The following EEF2K variants were observed in gnomAD, a reference collection of about 807,000 sequenced individuals.
EEF2K encodes the protein eukaryotic elongation factor 2 kinase.
In EEF2K, 70 loss-of-function variants were observed where a neutral mutation model predicts 93.8. That is an observed-to-expected ratio of 0.75 (90% CI 0.62 to 0.91). The LOEUF (loss-of-function observed/expected upper bound fraction) is 0.91. Ranked by LOEUF, EEF2K falls within the 40% of genes least tolerant of loss-of-function variation. The pLI is 0.00. For missense variants in EEF2K, 935 were observed against 972.9 expected, an observed-to-expected ratio of 0.96 and a Z score of 0.52; for synonymous variants, 376 against 380.8, an observed-to-expected ratio of 0.99 and a Z score of 0.15.
At chr16:22,215,897 C>T (rs1259190675) in intron 1 of EEF2K, among the ~76,000 whole-genome samples, 1 of 152,162 alleles carries the variant, frequency 6.6e-6, no homozygotes, top group Non-Finnish European at 1.5e-5. Flanking sequence ...TGCACTCCAG[C>T]CTGGGTAACA....
At chr16:22,261,382 G>GA (rs961327726) in intron 11 of EEF2K, among the ~76,000 whole-genome samples, 1 of 148,830 alleles carries the variant, frequency 6.7e-6, no homozygotes, top group Non-Finnish European at 1.5e-5. Flanking sequence ...CAAAAAAAAA[G>GA]AAAAAACAAA....
chr16:22,280,854 G>C (rs771530762), intron 17 of EEF2K, among the ~76,000 whole-genome samples: 1 of 151,926 alleles, frequency 6.6e-6, no homozygotes, highest in African/African-American at 2.4e-5. Flanking sequence ...GTAGAGACAG[G>C]GTTTTGCCAT....
chr16:22,223,774 G>A (rs1349859109), intron 1 of EEF2K, among the ~76,000 whole-genome samples: 1 of 152,122 alleles, frequency 6.6e-6, no homozygotes, highest in African/African-American at 2.4e-5. Context: ...GTGTTTGTGG[G>A]TATGGGACCG....
chr16:22,262,879 G>A (rs1367368820), intron 11 of EEF2K, among the ~76,000 whole-genome samples: 2 of 152,106 alleles, frequency 1.3e-5, no homozygotes, highest in African/African-American at 2.4e-5. Flanking sequence ...CTGCTCCCTC[G>A]TTGGCCAGGC....
At chr16:22,236,339 C>CTT (rs11353273) in intron 2 of EEF2K, among the ~76,000 whole-genome samples, 2 of 137,146 alleles carry the variant, frequency 1.5e-5, no homozygotes, top group Admixed American at 7.4e-5. Context: ...AGTTGTATTT[C>CTT]TTTTTTTTTT....
chr16:22,250,025 A>G (rs2047333454), intron 4 of EEF2K, among the ~76,000 whole-genome samples: 1 of 151,170 alleles, frequency 6.6e-6, no homozygotes, highest in Non-Finnish European at 1.5e-5. Flanking sequence ...CAGGTGATCC[A>G]CCCACCTCAG....
chr16:22,235,408 T>C lies in EEF2K; in HGVS notation c.247-9222T>C, dbSNP rs76748808. Among the ~76,000 whole-genome samples the C allele has an allele frequency of 7.8e-3, 1,189 of 152,258 alleles. 17 individuals are homozygous for C. Among genetic ancestry groups the C allele is most frequent in the African/African-American group, 0.026 (1,099 of 41,544 alleles). On this transcript the variant is annotated intron_variant, in intron 2 of 17. Transcript: ENST00000263026. ...GTCTTTTCAGATCAGTAAATATGGA[T>C]GTAGTGTCTTGATGGCTCTGTCAGC... is the stretch of plus-strand genomic sequence containing the variant.
chr16:22,241,183 C>T (rs905681002), intron 2 of EEF2K, among the ~76,000 whole-genome samples: 1 of 152,034 alleles, frequency 6.6e-6, no homozygotes, highest in African/African-American at 2.4e-5. Flanking sequence ...GGAGGACTTC[C>T]GCTTTCTAAT....
intron 12 of EEF2K, among the ~76,000 whole-genome samples, chr16:22,263,531 C>T (rs1404072941): frequency 6.6e-6 from 1 of 152,220 alleles, no homozygotes; most frequent in East Asian, 1.9e-4. Context: ...ATCACTTTAA[C>T]CCAGAAGACA....
Position 22,248,751 on chromosome 16 carries a change from G to T in EEF2K, c.348-4G>T. On this transcript the variant is annotated splice_region_variant and splice_polypyrimidine_tract_variant and intron_variant, in intron 3 of 17. Transcript: ENST00000263026. ...TGTGCCCCATGGTGGATGGGTCTCTGCAGGTACAACGCCGTCACCGGGGAA... is the reference window on the plus strand; with the variant it reads ...TGTGCCCCATGGTGGATGGGTCTCTTCAGGTACAACGCCGTCACCGGGGAA... The T allele has an allele frequency of 6.2e-7, 1 of 1,613,882 alleles. No homozygotes were observed. The highest frequency in any genetic ancestry group is 1.1e-5 in the South Asian group (1 of 91,080).
Position 22,256,759 on chromosome 16 carries a change from G to A in EEF2K, c.630G>A (p.Met210Ile). 1.9e-6 allele frequency: 3 copies of A among 1,613,916 alleles called. No individual in the cohort carries two copies. The highest frequency in any genetic ancestry group is 2.5e-6 in the Non-Finnish European group (3 of 1,179,968). The change falls in exon 7 of 18, where the codon ATG becomes ATA. Residue 210 changes from methionine to isoleucine, a missense_variant. Coordinates refer to ENST00000263026, the MANE Select transcript of EEF2K (RefSeq NM_013302.5). ...RHKPPKQVDI[M>I]QMCIIELKDR... The stretch of plus-strand genomic sequence containing the variant: ...CCCCATCCCACCAGGTGGACATCAT[G>A]CAGATGTGCATCATCGAGCTGAAGG...
intron 2 of EEF2K, among the ~76,000 whole-genome samples, chr16:22,231,455 G>A (rs1212210792): frequency 2.0e-5 from 3 of 151,660 alleles, no homozygotes; most frequent in Non-Finnish European, 4.4e-5. Flanking sequence ...CATATATATT[G>A]GTATCTGCAT....
At position 22,256,883 on chromosome 16, in the gene EEF2K, C is replaced by T. The variant is rs768892826; in HGVS notation, c.754C>T (p.Arg252Cys). ...NSGFVRDDNIRLTPQAFSHFT... is the reference protein window; with the variant it reads ...NSGFVRDDNICLTPQAFSHFT... ...TGGCTTTGTCCGCGATGACAACATC[C>T]GCCTGACGCCGCAGGTGAGGCCGAG... The change falls in exon 7 of 18, where the codon CGC (arginine) becomes TGC (cysteine). Residue 252 changes from arginine to cysteine, a missense_variant. Transcript: ENST00000263026. 3.3e-5 allele frequency: 53 copies of T among 1,614,038 alleles called. No homozygotes were observed. Among genetic ancestry groups the T allele is most frequent in the Middle Eastern group, 3.3e-4 (2 of 6,004 alleles).
At chr16:22,238,738 G>T (rs1598177273) in intron 2 of EEF2K, among the ~76,000 whole-genome samples, 2 of 151,558 alleles carry the variant, frequency 1.3e-5, no homozygotes, top group South Asian at 4.2e-4. Context: ...GTAGGTGATA[G>T]GAATGGCTGG....
intron 16 of EEF2K, among the ~76,000 whole-genome samples, chr16:22,278,232 AGG>A (rs2047658595): frequency 6.6e-6 from 1 of 152,080 alleles, no homozygotes; most frequent in Non-Finnish European, 1.5e-5. Flanking sequence ...AGAGAGCAAA[AGG>A]GGGCTGAACT....
At chr16:22,267,697 C>CTT (rs2047538870) in intron 15 of EEF2K, among the ~76,000 whole-genome samples, 1 of 151,972 alleles carries the variant, frequency 6.6e-6, no homozygotes, top group Non-Finnish European at 1.5e-5. Flanking sequence ...GTAGAAGGAA[C>CTT]AGCATGTGCT....
rs190671425 is a variant in EEF2K, at chr16:22,252,945, C to T, written c.618+1623C>T. ...ACCCCCATGATTCAATTATCTCCTA[C>T]CAGGTCCCTCCCACAACACGTGGGA... On this transcript the variant is annotated intron_variant, in intron 6 of 17. Transcript: ENST00000263026. Among the ~76,000 whole-genome samples the T allele has an allele frequency of 9.2e-4, 140 of 152,236 alleles. 2 individuals carry two copies. The East Asian group carries it at 0.019, about 21-fold the overall frequency.
chr16:22,216,171 T>C (rs1256592761), intron 1 of EEF2K, among the ~76,000 whole-genome samples: 1 of 152,206 alleles, frequency 6.6e-6, no homozygotes, highest in East Asian at 1.9e-4. Context: ...CTTTGGTTTT[T>C]GTTTCTTGTT....
intron 11 of EEF2K, 128 bp from the exon 12 acceptor site, chr16:22,262,982 C>A: frequency 1.3e-6 from 1 of 747,154 alleles, no homozygotes; most frequent in Non-Finnish European, 2.1e-6. Context: ...CGGCAAGGGA[C>A]AGCAGGAGCA....
Sources: gnomAD v4.1 joint callset for allele counts (sites outside exome capture counted in the v4.1 genomes callset) on GRCh38, gnomAD v4.1.1 for gene constraint, MANE v1.5 for transcripts, NCBI Gene and HGNC (gene_info 2026-07-23, HGNC 2026-07-21) for gene names.